The following PREX2 variants were observed in gnomAD, a reference collection of about 807,000 sequenced individuals.
PREX2 encodes phosphatidylinositol 3,4,5-trisphosphate-dependent Rac exchanger 2 protein.
PREX2 carries 107 observed loss-of-function variants against 203.2 expected under a neutral mutation model. The observed-to-expected ratio is 0.53, with a 90% CI of 0.45 to 0.62. The LOEUF is 0.62. Ranked by LOEUF, PREX2 falls within the 20% of genes least tolerant of loss-of-function variation. The pLI is 0.00. For synonymous variants in PREX2, 672 were observed against 663.6 expected, an observed-to-expected ratio of 1.01 and a Z score of -0.19; for missense variants, 1,777 against 1,955.9, an observed-to-expected ratio of 0.91 and a Z score of 1.72.
chr8:67,984,908 C>A (rs923996457), intron 1 of PREX2, among the ~76,000 whole-genome samples: 1 of 152,074 alleles, frequency 6.6e-6, no homozygotes, highest in African/African-American at 2.4e-5. Flanking sequence ...GGGGCCTCAC[C>A]ACCTCCCCTT....
intron 1 of PREX2, among the ~76,000 whole-genome samples, chr8:67,959,097 C>T (rs759766323): frequency 4.6e-5 from 7 of 152,100 alleles, no homozygotes; most frequent in Admixed American, 1.3e-4. Flanking sequence ...GTTGGAGAGT[C>T]AATGTTTAAA....
At chr8:68,226,073 G>A (rs17450699) in intron 39 of PREX2, among the ~76,000 whole-genome samples, 7,983 of 152,028 alleles carry the variant, frequency 0.053, 281 homozygotes, top group East Asian at 0.074. Context: ...CACTCGAAAC[G>A]AAACGCAATA....
chr8:67,996,339 T>C (rs1211196771), intron 1 of PREX2, among the ~76,000 whole-genome samples: 2 of 151,784 alleles, frequency 1.3e-5, no homozygotes, highest in African/African-American at 4.8e-5. Context: ...GGGACCACAG[T>C]CATGCACCAC....
chr8:68,121,473 G>A (rs1426802959), intron 30 of PREX2, among the ~76,000 whole-genome samples: 1 of 152,078 alleles, frequency 6.6e-6, no homozygotes, highest in East Asian at 1.9e-4. Context: ...TGATTTTTAA[G>A]TTTTTATATC....
At chr8:68,029,453 G>T (rs1023115737) in intron 5 of PREX2, among the ~76,000 whole-genome samples, 2 of 152,112 alleles carry the variant, frequency 1.3e-5, no homozygotes, top group Admixed American at 1.3e-4. Flanking sequence ...TCTTGGGAGT[G>T]ATATAATATG....
At chr8:68,105,954 G>A (rs979172417) in intron 23 of PREX2, 7 of 161,040 alleles carry the variant, frequency 4.3e-5, no homozygotes, top group African/African-American at 1.5e-4. Flanking sequence ...GGCAAAAACC[G>A]CAATCACTTT....
chr8:68,128,598 T>G (rs974430878), intron 31 of PREX2, among the ~76,000 whole-genome samples: 12 of 152,134 alleles, frequency 7.9e-5, no homozygotes, highest in African/African-American at 2.9e-4. Context: ...GTAACAGGGC[T>G]GCCTGGACTG....
intron 39 of PREX2, among the ~76,000 whole-genome samples, chr8:68,230,281 T>G (rs1813140467): frequency 6.6e-6 from 1 of 152,204 alleles, no homozygotes; most frequent in South Asian, 2.1e-4. Flanking sequence ...TGTTTTCAAT[T>G]TAGTCGGTAA....
chr8:68,120,430 A>G, intron 29 of PREX2, 144 bp downstream of exon 29: 1 of 584,380 alleles, frequency 1.7e-6, no homozygotes, highest in Non-Finnish European at 3.0e-6. Flanking sequence ...TTCTATTCTG[A>G]TAATTTTTGA....
At chr8:68,049,871 G>A (rs994941381) in intron 8 of PREX2, among the ~76,000 whole-genome samples, 16 of 151,990 alleles carry the variant, frequency 1.1e-4, no homozygotes, top group Middle Eastern at 3.4e-3. Context: ...GATATATGAA[G>A]ATATTGAACA....
intron 35 of PREX2, among the ~76,000 whole-genome samples, chr8:68,169,396 C>A (rs1003934177): frequency 6.6e-6 from 1 of 151,602 alleles, no homozygotes; most frequent in South Asian, 2.1e-4. Context: ...GGAGTTTGTT[C>A]CAGAGATGTG....
intron 35 of PREX2, among the ~76,000 whole-genome samples, chr8:68,160,621 T>G (rs1438955670): frequency 6.6e-6 from 1 of 152,136 alleles, no homozygotes; most frequent in Non-Finnish European, 1.5e-5. Context: ...AAACACAGTT[T>G]TAGAATTTGA....
chr8:68,024,889 T>G (rs568282915), intron 4 of PREX2, among the ~76,000 whole-genome samples: 7 of 151,990 alleles, frequency 4.6e-5, no homozygotes, highest in Non-Finnish European at 2.9e-5. Flanking sequence ...CTAATTCCAG[T>G]TAAAAGTAGG....
At chr8:67,984,731 A>G (rs1806365218) in intron 1 of PREX2, among the ~76,000 whole-genome samples, 1 of 152,160 alleles carries the variant, frequency 6.6e-6, no homozygotes, top group Admixed American at 6.5e-5. Flanking sequence ...TCATGATGGG[A>G]AGTACAGCTG....
At chr8:68,098,363 T>G (rs977832205) in intron 22 of PREX2, among the ~76,000 whole-genome samples, 3 of 152,230 alleles carry the variant, frequency 2.0e-5, no homozygotes, top group Non-Finnish European at 4.4e-5. Context: ...AATATAGACA[T>G]CTAAATGAAC....
chr8:68,015,529 C>T (rs1031939590), intron 1 of PREX2, among the ~76,000 whole-genome samples: 24 of 152,304 alleles, frequency 1.6e-4, no homozygotes, highest in African/African-American at 5.5e-4. Context: ...ACTACTTCCT[C>T]ACTTTAATTT....
At chr8:68,052,073 T>TA (rs1357174323) in intron 8 of PREX2, among the ~76,000 whole-genome samples, 1 of 152,122 alleles carries the variant, frequency 6.6e-6, no homozygotes, top group Non-Finnish European at 1.5e-5. Flanking sequence ...AAAAACTTAA[T>TA]AAAATAGATC....
At chr8:68,026,130 A>T (rs772525099) in intron 4 of PREX2, among the ~76,000 whole-genome samples, 9 of 152,172 alleles carry the variant, frequency 5.9e-5, no homozygotes, top group Non-Finnish European at 1.3e-4. Context: ...ATGCTTGCGT[A>T]AGAGCATGCA....
At chr8:68,146,609 A>ATTTT (rs1469099062) in intron 34 of PREX2, among the ~76,000 whole-genome samples, 2 of 152,184 alleles carry the variant, frequency 1.3e-5, no homozygotes, top group East Asian at 3.8e-4. Flanking sequence ...TTTGGGTTAA[A>ATTTT]TAAACTGCTT....
Sources: gnomAD v4.1 joint callset for allele counts (sites outside exome capture counted in the v4.1 genomes callset) on GRCh38, gnomAD v4.1.1 for gene constraint, MANE v1.5 for transcripts, NCBI Gene and HGNC (gene_info 2026-07-23, HGNC 2026-07-21) for gene names.